EPHB1: variants seen among roughly 807,000 people sequenced by gnomAD.
The protein encoded by EPHB1 is EPH receptor B1, also known as ephrin type-B receptor 1.
Under a neutral mutation model 94.4 loss-of-function variants are expected in EPHB1, and 30 were observed. That is an observed-to-expected ratio of 0.32 (90% CI 0.24 to 0.43). The LOEUF (loss-of-function observed/expected upper bound fraction) is 0.43. EPHB1 is among the 20% of genes least tolerant of loss of function. EPHB1 has a pLI of 1.00. For missense variants in EPHB1, 1,055 were observed against 1,308.3 expected (o/e 0.81, Z 2.99); for synonymous variants, 522 against 489.1 (o/e 1.07, Z -0.89).
intron 3 of EPHB1, among the ~76,000 whole-genome samples, chr3:134,971,387 T>A: frequency 6.6e-6 from 1 of 151,994 alleles, no homozygotes; most frequent in East Asian, 1.9e-4. Flanking sequence ...GCAGGTAGAG[T>A]CGATGCGTGA....
chr3:134,795,798 C>T lies in EPHB1; in HGVS notation c.58+109C>T, dbSNP rs1578090077. 14 of 1,255,048 alleles carry T rather than the reference C, an allele frequency of 1.1e-5. No individual in the cohort carries two copies. In the African/African-American group the frequency reaches 1.6e-4, roughly 14 times the overall value. The allele number at this position is 1,255,048 out of a possible 1,614,324, so 77.7% of individuals were successfully genotyped here. On this transcript the variant is annotated intron_variant, in intron 1 of 15. Coordinates refer to ENST00000398015, the MANE Select transcript of EPHB1 (RefSeq NM_004441.5). ...TGGCTGCTTTGCGGTGCAGGCATCC[C>T]GGGACCCGAGGGCAAGGAGGTTTGG...
chr3:135,167,836 C>T (rs532442512), intron 9 of EPHB1, among the ~76,000 whole-genome samples: 1 of 152,296 alleles, frequency 6.6e-6, no homozygotes, highest in East Asian at 1.9e-4. Flanking sequence ...CTTCTGTGAG[C>T]CTCATCTCAC....
At chr3:135,008,119 A>G (rs1297761672) in intron 3 of EPHB1, among the ~76,000 whole-genome samples, 1 of 152,198 alleles carries the variant, frequency 6.6e-6, no homozygotes, top group Admixed American at 6.5e-5. Context: ...GAAGAACTAG[A>G]TGGTTAACTA....
At chr3:134,983,599 A>C (rs927634529) in intron 3 of EPHB1, among the ~76,000 whole-genome samples, 1 of 152,244 alleles carries the variant, frequency 6.6e-6, no homozygotes, top group African/African-American at 2.4e-5. Context: ...AGTGCCTGAG[A>C]GACTGCAGGG....
intron 4 of EPHB1, 47 bp from the exon 5 acceptor site, chr3:135,132,667 A>G: frequency 6.7e-7 from 1 of 1,492,712 alleles, no homozygotes; most frequent in Non-Finnish European, 9.0e-7. Context: ...CTGCCGGACA[A>G]GGAAGCTTAT....
chr3:135,257,653 G>A lies in EPHB1; in HGVS notation c.2847-1359G>A, dbSNP rs547362945. ...AGACAGGGACATTTAAGTCTGCAGA[G>A]GTTACTGCTGTCTTTTTGTTTGTCT... On this transcript the variant is annotated intron_variant, in intron 15 of 15. Coordinates refer to ENST00000398015, the MANE Select transcript of EPHB1 (RefSeq NM_004441.5). 5.2e-3 allele frequency among the ~76,000 whole-genome samples: 785 copies of A among 150,866 alleles called. 8 individuals carry two copies. Among genetic ancestry groups the A allele is most frequent in the Non-Finnish European group, 9.0e-3 (612 of 67,676 alleles).
intron 3 of EPHB1, among the ~76,000 whole-genome samples, chr3:135,070,354 G>T (rs1937663309): frequency 6.6e-6 from 1 of 152,198 alleles, no homozygotes. Flanking sequence ...GGGCAGCAAT[G>T]AAACTCTGTG....
chr3:134,835,579 G>C (rs564689621), intron 1 of EPHB1, among the ~76,000 whole-genome samples: 14 of 152,316 alleles, frequency 9.2e-5, no homozygotes, highest in African/African-American at 3.4e-4. Context: ...TTTGCTTCAA[G>C]GCAAGTTAAA....
intron 5 of EPHB1, among the ~76,000 whole-genome samples, chr3:135,144,467 C>G (rs1338226333): frequency 6.6e-6 from 1 of 152,162 alleles, no homozygotes; most frequent in Non-Finnish European, 1.5e-5. Flanking sequence ...GCCTGTCTTA[C>G]CAGTTCCCAG....
chr3:134,805,623 C>T (rs73227041), intron 1 of EPHB1, among the ~76,000 whole-genome samples: 15,540 of 152,142 alleles, frequency 0.1, 927 homozygotes, highest in Middle Eastern at 0.18. Flanking sequence ...GCATGTGCTG[C>T]ACAGCTGCAC....
At chr3:135,022,455 T>A (rs528728560) in intron 3 of EPHB1, among the ~76,000 whole-genome samples, 1 of 152,220 alleles carries the variant, frequency 6.6e-6, no homozygotes, top group African/African-American at 2.4e-5. Context: ...TGGAATTATG[T>A]TTCTTAAAAG....
intron 3 of EPHB1, among the ~76,000 whole-genome samples, chr3:134,968,577 T>C (rs1933850598): frequency 6.6e-6 from 1 of 152,232 alleles, no homozygotes; most frequent in Non-Finnish European, 1.5e-5. Context: ...CTTAATTCTA[T>C]TTTTAAAAAT....
At chr3:134,936,221 G>A (rs569884352) in intron 2 of EPHB1, among the ~76,000 whole-genome samples, 4 of 152,298 alleles carry the variant, frequency 2.6e-5, no homozygotes, top group Admixed American at 6.5e-5. Flanking sequence ...CCAGTGAGTT[G>A]TGCACGTGAT....
intron 3 of EPHB1, among the ~76,000 whole-genome samples, chr3:135,019,653 A>T (rs546263502): frequency 3.9e-5 from 6 of 152,322 alleles, no homozygotes; most frequent in African/African-American, 1.4e-4. Flanking sequence ...AAGCAATTTT[A>T]TATCCTTCAT....
intron 12 of EPHB1, among the ~76,000 whole-genome samples, chr3:135,214,927 G>A (rs1202687140): frequency 6.6e-6 from 1 of 152,170 alleles, no homozygotes; most frequent in Non-Finnish European, 1.5e-5. Flanking sequence ...GCAGGGTTTG[G>A]ATCACACTAT....
rs1932971118 is a variant in EPHB1 at position 135,249,418 on chromosome 3, A to G, written c.2773A>G (p.Met925Val). 6.2e-7 allele frequency: 1 copy of G among 1,614,008 alleles called. No homozygotes were observed. The change falls in exon 15 of 16, where the codon ATG becomes GTG. Residue 925 changes from methionine to valine, a missense_variant. By Grantham distance (21) the Met-to-Val change is conservative. Transcript: ENST00000398015. ...TVDDWLSAIK[M>V]VQYRDSFLTA... is the part of the protein sequence containing the mutation. ...GGATGACTGGCTCAGCGCCATCAAA[A>G]TGGTCCAGTACAGGGACAGCTTCCT...
chr3:134,884,306 T>C (rs2037819113), intron 1 of EPHB1, among the ~76,000 whole-genome samples: 1 of 152,232 alleles, frequency 6.6e-6, no homozygotes, highest in Admixed American at 6.5e-5. Context: ...TGTTGGGTAA[T>C]GTACTGCTGG....
intron 3 of EPHB1, among the ~76,000 whole-genome samples, chr3:134,952,391 T>TCA (rs34221950): frequency 0.5 from 73,885 of 147,816 alleles, 18,795 homozygotes; most frequent in African/African-American, 0.64. Flanking sequence ...ACACACACAC[T>TCA]CACACACACA....
chr3:135,157,822 A>G (rs1350087320), intron 6 of EPHB1, among the ~76,000 whole-genome samples: 1 of 152,208 alleles, frequency 6.6e-6, no homozygotes, highest in East Asian at 1.9e-4. Flanking sequence ...TATGTGCCAG[A>G]TATACACAGA....
Sources: gnomAD v4.1 joint callset for allele counts (sites outside exome capture counted in the v4.1 genomes callset) on GRCh38, gnomAD v4.1.1 for gene constraint, MANE v1.5 for transcripts, NCBI Gene and HGNC (gene_info 2026-07-23, HGNC 2026-07-21) for gene names.